GCNT2: variants seen among roughly 807,000 people sequenced by gnomAD.
GCNT2 encodes N-acetyllactosaminide beta-1,6-N-acetylglucosaminyl-transferase.
In GCNT2, 34 loss-of-function variants were observed where a neutral mutation model predicts 34.2. The observed-to-expected ratio is 1.00, with a 90% CI of 0.76 to 1.32. The LOEUF (loss-of-function observed/expected upper bound fraction) is 1.32. Among genes scored for constraint, GCNT2 ranks in the 40% most tolerant of loss-of-function variants. The pLI is 0.00. For missense variants in GCNT2, 584 were observed against 489.4 expected (o/e 1.19, Z -1.82); for synonymous variants, 212 against 188.0 (o/e 1.13, Z -1.04).
chr6:10,574,988 T>G lies in GCNT2; in HGVS notation c.925+45152T>G. On this transcript the variant is annotated intron_variant, in intron 3 of 4. Transcript: ENST00000495262. ...ATTCTCTTGGCAAGAATCTTGCCCT[T>G]AACTTGTTTGTTTACAACAATGCCA... is the stretch of plus-strand genomic sequence containing the variant. The G allele has an allele frequency of 4.2e-6, 3 of 708,692 alleles. No individual in the cohort carries two copies. In the Admixed American group the frequency reaches 5.4e-5, roughly 13 times the overall value. 43.9% of individuals were successfully genotyped at this position (708,692 alleles called of 1,614,324 possible).
intron 3 of GCNT2, among the ~76,000 whole-genome samples, chr6:10,547,158 GCT>G (rs747188624): frequency 3.2e-4 from 48 of 152,126 alleles, no homozygotes; most frequent in Non-Finnish European, 5.0e-4. Context: ...AATCATATCT[GCT>G]CTCTCTCTTA....
At position 10,528,841 on chromosome 6, in the gene GCNT2, T is replaced by G; in HGVS notation, c.-71T>G. 1 of 1,266,044 alleles carries G rather than the reference T, an allele frequency of 7.9e-7. No homozygotes were observed. The allele number at this position is 1,266,044 out of a possible 1,614,324, so 78.4% of individuals were successfully genotyped here. On this transcript the variant is annotated 5_prime_UTR_variant, in exon 3 of 5. It removes an upstream start codon present in the reference 5' UTR. Transcript: ENST00000495262. ...GGATGATTTCGGAACCTGGAGAAAA[T>G]GTAAGTTAAATATATCTACACTCTG...
chr6:10,588,910 T>TTGTGTG (rs1322262077), intron 3 of GCNT2, among the ~76,000 whole-genome samples: 4 of 146,610 alleles, frequency 2.7e-5, no homozygotes, highest in Non-Finnish European at 6.0e-5. Flanking sequence ...GTGTGGTGTG[T>TTGTGTG]GTGTAGTGTG....
At chr6:10,544,787 TAC>T (rs1481570864) in intron 3 of GCNT2, among the ~76,000 whole-genome samples, 2 of 145,088 alleles carry the variant, frequency 1.4e-5, no homozygotes, top group African/African-American at 5.1e-5. Context: ...CCACTAAAAA[TAC>T]AAAAAATTAG....
At chr6:10,581,800 C>T (rs1174449534) in intron 3 of GCNT2, 1 of 985,098 alleles carries the variant, frequency 1.0e-6, no homozygotes, top group Non-Finnish European at 1.2e-6. Flanking sequence ...CCAACTTTCC[C>T]CTTCTGTTCT....
intron 3 of GCNT2, among the ~76,000 whole-genome samples, chr6:10,568,414 A>T (rs143603670): frequency 6.6e-6 from 1 of 151,568 alleles, no homozygotes; most frequent in Non-Finnish European, 1.5e-5. Flanking sequence ...AGCAAGTTCT[A>T]CCCTTCCTGT....
rs763168876 is a variant in GCNT2, at chr6:10,621,415, C to G, written c.990C>G (p.Asp330Glu). 3 of 1,613,218 alleles carry G rather than the reference C, an allele frequency of 1.9e-6. No individual in the cohort carries two copies. In the South Asian group the frequency reaches 3.3e-5, roughly 18 times the overall value. The change falls in exon 4 of 5, where the codon GAC (aspartate) becomes GAG (glutamate). Residue 330 changes from aspartate (D) to glutamate (E), a missense_variant. Coordinates refer to ENST00000495262, the MANE Select transcript of GCNT2 (RefSeq NM_145649.5). ...ACCTCAGAGCTATAAAGTGGAGTGA[C>G]ATGGAAGACAGACACGGAGGCTGCC... is the stretch of plus-strand genomic sequence containing the variant. ...TGNLRAIKWS[D>E]MEDRHGGCHG...
rs200427106 is a variant in GCNT2, at chr6:10,557,145, A to G, written c.925+27309A>G. On this transcript the variant is annotated intron_variant, in intron 3 of 4. Coordinates refer to ENST00000495262, the MANE Select transcript of GCNT2 (RefSeq NM_145649.5). The stretch of plus-strand genomic sequence containing the variant: ...GAGCACCTGGGCAAAGAGCTTTCCT[A>G]TGTGATAAGAACAACAGCGTTGAAA... The G allele has an allele frequency of 4.3e-5, 67 of 1,550,690 alleles. No individual in the cohort carries two copies. Among genetic ancestry groups the G allele is most frequent in the South Asian group, 1.3e-5 (1 of 78,322 alleles).
At chr6:10,521,463 T>G (rs914347365) in intron 1 of GCNT2, 46 bp downstream of exon 1, 1 of 152,812 alleles carries the variant, frequency 6.5e-6, no homozygotes, top group African/African-American at 2.4e-5. Flanking sequence ...GGGAGGAAAC[T>G]GCGGGGAGCT....
intron 3 of GCNT2, among the ~76,000 whole-genome samples, chr6:10,614,506 G>A (rs1765681606): frequency 6.6e-6 from 1 of 151,768 alleles, no homozygotes; most frequent in African/African-American, 2.4e-5. Context: ...CGCCCCTCTA[G>A]TCCCAGCTAC....
chr6:10,609,414 C>T (rs1248726329), intron 3 of GCNT2, among the ~76,000 whole-genome samples: 2 of 152,230 alleles, frequency 1.3e-5, no homozygotes, highest in African/African-American at 2.4e-5. Flanking sequence ...TGAACCCATA[C>T]TCAAAATAAT....
chr6:10,546,877 A>C (rs1331531023), intron 3 of GCNT2, among the ~76,000 whole-genome samples: 1 of 152,268 alleles, frequency 6.6e-6, no homozygotes, highest in Non-Finnish European at 1.5e-5. Context: ...CTTTTTCCAG[A>C]GATAACATTA....
chr6:10,571,099 T>C (rs1185380282), intron 3 of GCNT2, among the ~76,000 whole-genome samples: 1 of 152,174 alleles, frequency 6.6e-6, no homozygotes, highest in Non-Finnish European at 1.5e-5. Flanking sequence ...AATTTGGAGA[T>C]TGTGAGCCAG....
intron 3 of GCNT2, among the ~76,000 whole-genome samples, chr6:10,575,486 C>G (rs1763766633): frequency 6.6e-6 from 1 of 151,894 alleles, no homozygotes; most frequent in Admixed American, 6.6e-5. Context: ...CTCAGCCTCC[C>G]AAGTAGCTAG....
At chr6:10,554,689 G>T (rs916126833) in intron 3 of GCNT2, among the ~76,000 whole-genome samples, 1 of 152,140 alleles carries the variant, frequency 6.6e-6, no homozygotes, top group African/African-American at 2.4e-5. Flanking sequence ...ACTTAGGATT[G>T]AATTTTTCTT....
intron 3 of GCNT2, among the ~76,000 whole-genome samples, chr6:10,572,737 AAAAAAT>A (rs754279217): frequency 4.6e-4 from 70 of 152,322 alleles, no homozygotes; most frequent in South Asian, 8.3e-4. Context: ...CCGTCTCAAA[AAAAAAT>A]AAAAATAAAA....
At chr6:10,565,565 C>T (rs1406158593) in intron 3 of GCNT2, among the ~76,000 whole-genome samples, 1 of 152,226 alleles carries the variant, frequency 6.6e-6, no homozygotes, top group African/African-American at 2.4e-5. Flanking sequence ...AGCATGAACA[C>T]TACCCTATAA....
chr6:10,576,795 C>T (rs905050117), intron 3 of GCNT2, among the ~76,000 whole-genome samples: 14 of 152,058 alleles, frequency 9.2e-5, no homozygotes, highest in South Asian at 2.1e-4. Context: ...CTCAAGAAGC[C>T]GGATACAGTG....
chr6:10,550,907 A>C (rs58218238), intron 3 of GCNT2, among the ~76,000 whole-genome samples: 4,191 of 152,286 alleles, frequency 0.028, 91 homozygotes, highest in African/African-American at 0.06. Context: ...ACCACTAATC[A>C]GTACTACCCT....
Sources: allele counts gnomAD v4.1 joint callset (sites outside exome capture counted in the v4.1 genomes callset), GRCh38; gene constraint gnomAD v4.1.1; transcripts MANE v1.5; gene names NCBI Gene and HGNC (gene_info 2026-07-23, HGNC 2026-07-21).